The following NAP1L4 variants were observed in gnomAD, a reference collection of about 807,000 sequenced individuals.
NAP1L4 encodes nucleosome assembly protein 1-like 4.
NAP1L4 carries 15 observed loss-of-function variants against 58.2 expected under a neutral mutation model. The ratio of observed to expected loss-of-function variants is 0.26; its 90% confidence interval spans 0.17 to 0.40. NAP1L4 has a LOEUF of 0.40. Ranked by LOEUF, NAP1L4 falls within the 10% of genes least tolerant of loss-of-function variation. The pLI is 1.00. For missense variants in NAP1L4, 384 were observed against 451.1 expected (o/e 0.85, Z 1.35); for synonymous variants, 171 against 155.6 (o/e 1.10, Z -0.74).
chr11:2,949,186 C>A lies in NAP1L4; in HGVS notation c.*32+41G>T, dbSNP rs1846093023. ...ACAATGCATTGTATAAAGTATAGAT[C>A]AGAAGTTTGGAAGTTAGGTATGAAT... On this transcript the variant is annotated intron_variant, in intron 15 of 15. Transcript: ENST00000380542. This position sits in a 1 kb window ranked among gnomAD's most constrained non-coding sequence, Gnocchi z 4.0. The A allele has an allele frequency of 1.3e-6, 2 of 1,489,670 alleles. No individual in the cohort carries two copies. Among genetic ancestry groups the A allele is most frequent in the South Asian group, 1.1e-5 (1 of 87,724 alleles). The allele number at this position is 1,489,670 out of a possible 1,614,324, so 92.3% of individuals were successfully genotyped here.
chr11:2,978,353 A>T lies in NAP1L4; in HGVS notation c.15-11T>A, dbSNP rs767864549. 4 of 1,613,166 alleles carry T rather than the reference A, an allele frequency of 2.5e-6. No individual in the cohort carries two copies. In the East Asian group the frequency reaches 8.9e-5, roughly 36 times the overall value. ...ACCCCATCTGAAAAACTAAAACAAC[A>T]GTATGTTTAAAAAGTATTACTGTAA... On this transcript the variant is annotated splice_polypyrimidine_tract_variant and intron_variant, in intron 2 of 15. Transcript: ENST00000380542.
intron 4 of NAP1L4, 71 bp from the exon 5 acceptor site, chr11:2,972,314 T>C (rs1232436661): frequency 7.2e-7 from 1 of 1,392,406 alleles, no homozygotes; most frequent in East Asian, 2.5e-5. Flanking sequence ...TCAATTTTAT[T>C]AAAATAAATT....
chr11:2,986,626 A>ATTTTTT (rs66494210), intron 1 of NAP1L4, among the ~76,000 whole-genome samples: 12 of 139,740 alleles, frequency 8.6e-5, no homozygotes, highest in Non-Finnish European at 1.5e-4. Flanking sequence ...ATGGTAGTAA[A>ATTTTTT]TTTTTTTTTT....
intron 4 of NAP1L4, among the ~76,000 whole-genome samples, chr11:2,974,028 A>C (rs909108057): frequency 6.6e-6 from 1 of 152,228 alleles, no homozygotes; most frequent in Non-Finnish European, 1.5e-5. Flanking sequence ...TCGGCCTCCC[A>C]AAGTGCTAGG....
chr11:2,985,236 A>G (rs1483342911), intron 1 of NAP1L4, among the ~76,000 whole-genome samples: 1 of 152,230 alleles, frequency 6.6e-6, no homozygotes, highest in African/African-American at 2.4e-5. Flanking sequence ...GGAGTGCTCA[A>G]CCTGAATAAG....
intron 6 of NAP1L4, 151 bp from the exon 7 acceptor site, chr11:2,970,085 G>T: frequency 1.4e-6 from 1 of 693,118 alleles, no homozygotes; most frequent in Non-Finnish European, 2.3e-6. Flanking sequence ...ACTGGGCCAC[G>T]CGACACTTTT....
chr11:2,972,402 A>G, intron 4 of NAP1L4, 159 bp from the exon 5 acceptor site: 1 of 475,254 alleles, frequency 2.1e-6, no homozygotes. Flanking sequence ...CCCCAACAGG[A>G]AAAAAAGGAT....
In NAP1L4 at chr11:2,949,168, A is replaced by G; in HGVS notation, c.*32+59T>C. On this transcript the variant is annotated intron_variant, in intron 15 of 15. Transcript: ENST00000380542. The surrounding 1 kb of genome is among the most constrained non-coding windows in gnomAD (Gnocchi z 4.0). ...TCTTTATTCAAAGTCAAAACAATGC[A>G]TTGTATAAAGTATAGATCAGAAGTT... The G allele has an allele frequency of 7.5e-7, 1 of 1,328,424 alleles. No homozygotes were observed. Among genetic ancestry groups the G allele is most frequent in the Non-Finnish European group, 1.1e-6 (1 of 930,998 alleles). 82.3% of individuals were successfully genotyped at this position (1,328,424 alleles called of 1,614,324 possible).
chr11:2,986,964 C>T (rs2134025365), intron 1 of NAP1L4, among the ~76,000 whole-genome samples: 1 of 152,226 alleles, frequency 6.6e-6, no homozygotes, highest in South Asian at 2.1e-4. Context: ...GGCCCACATT[C>T]AGTCTGAGGA....
chr11:2,959,983 A>C lies in NAP1L4; in HGVS notation c.607-74T>G. The C allele has an allele frequency of 9.6e-6, 14 of 1,461,982 alleles. No individual in the cohort carries two copies. Among genetic ancestry groups the C allele is most frequent in the African/African-American group, 7.1e-5 (5 of 70,628 alleles). The allele number at this position is 1,461,982 out of a possible 1,614,324, so 90.6% of individuals were successfully genotyped here. On this transcript the variant is annotated intron_variant, in intron 8 of 15. Coordinates refer to ENST00000380542, the MANE Select transcript of NAP1L4 (RefSeq NM_005969.4). The surrounding 1 kb of genome is among the most constrained non-coding windows in gnomAD (Gnocchi z 4.9). ...GAGGACAGATTGCTTGGAGTACACA[A>C]CACTTACTAGAAGCTATTTTGGGAA...
intron 4 of NAP1L4, among the ~76,000 whole-genome samples, chr11:2,974,446 G>A (rs185646189): frequency 4.6e-5 from 7 of 152,172 alleles, no homozygotes; most frequent in African/African-American, 1.2e-4. Flanking sequence ...TTTCTAAAGC[G>A]AGAAAACTAG....
intron 7 of NAP1L4, among the ~76,000 whole-genome samples, chr11:2,967,608 T>TA (rs36005224): frequency 0.063 from 7,500 of 118,250 alleles, 564 homozygotes; most frequent in African/African-American, 0.19. Context: ...GAGACTCCGT[T>TA]AAAAAAAAAA....
At position 2,959,740 on chromosome 11, in the gene NAP1L4, G is replaced by GA; in HGVS notation, c.746+29dup. ...AAAATTATCTTTTGATTTTGTTTCAGAAAAACAAGGTAGAATGACATTTTC... is the reference window on the plus strand; with the variant it reads ...AAAATTATCTTTTGATTTTGTTTCAGAAAAAACAAGGTAGAATGACATTTTC... On this transcript the variant is annotated intron_variant, in intron 9 of 15. Coordinates refer to ENST00000380542, the MANE Select transcript of NAP1L4 (RefSeq NM_005969.4). This position sits in a 1 kb window ranked among gnomAD's most constrained non-coding sequence, Gnocchi z 4.9. 6 of 1,606,316 alleles carry GA rather than the reference G, an allele frequency of 3.7e-6. No homozygotes were observed. The highest frequency in any genetic ancestry group is 5.1e-6 in the Non-Finnish European group (6 of 1,176,842).
chr11:2,968,873 A>C lies in NAP1L4; in HGVS notation c.534+930T>G, dbSNP rs181027765. Among the ~76,000 whole-genome samples, 7 of 152,260 alleles carry C rather than the reference A, an allele frequency of 4.6e-5. No homozygotes were observed. The East Asian group carries it at 1.2e-3, about 25-fold the overall frequency. ...GTTCTAGAAACTTCTATTATAACTC[A>C]TTTCAGGGAAAACCAAATTTGTTAC... is the stretch of plus-strand genomic sequence containing the variant. On this transcript the variant is annotated intron_variant, in intron 7 of 15. Coordinates refer to ENST00000380542, the MANE Select transcript of NAP1L4 (RefSeq NM_005969.4).
chr11:2,958,125 G>C, intron 10 of NAP1L4: 2 of 621,930 alleles, frequency 3.2e-6, no homozygotes, highest in South Asian at 3.0e-5. Context: ...AAACAGAACT[G>C]CAAGTTTTTG....
rs1352440643 is a variant in NAP1L4 at position 2,948,695 on chromosome 11, T to G, written c.*32+532A>C. On this transcript the variant is annotated intron_variant, in intron 15 of 15. Transcript: ENST00000380542. This position sits in a 1 kb window ranked among gnomAD's most constrained non-coding sequence, Gnocchi z 5.1. Reference sequence around the variant, plus strand: ...TGACACCAAAACAGATGCCAGTTCATGTTTCAGATAAAAAATGCTGGCACA... The same window carrying G: ...TGACACCAAAACAGATGCCAGTTCAGGTTTCAGATAAAAAATGCTGGCACA... Among the ~76,000 whole-genome samples the G allele has an allele frequency of 6.6e-6, 1 of 152,250 alleles. No individual in the cohort carries two copies. The highest frequency in any genetic ancestry group is 1.5e-5 in the Non-Finnish European group (1 of 68,038).
intron 8 of NAP1L4, among the ~76,000 whole-genome samples, chr11:2,960,662 T>C (rs1846837879): frequency 6.6e-6 from 1 of 152,220 alleles, no homozygotes; most frequent in African/African-American, 2.4e-5. Context: ...ACTCATGTAC[T>C]GTCGACAGAT....
chr11:2,965,312 G>T (rs746339637), intron 7 of NAP1L4, among the ~76,000 whole-genome samples: 2 of 152,202 alleles, frequency 1.3e-5, no homozygotes, highest in East Asian at 3.8e-4. Context: ...CACAAACCTC[G>T]ATAGTGCAGC....
intron 8 of NAP1L4, chr11:2,963,882 C>G (rs778352761): frequency 7.7e-6 from 4 of 519,150 alleles, no homozygotes; most frequent in Non-Finnish European, 1.5e-5. Flanking sequence ...TAACGGGTTA[C>G]GAACAGTGCT....
Sources: gnomAD v4.1 joint callset for allele counts (sites outside exome capture counted in the v4.1 genomes callset) on GRCh38, gnomAD v4.1.1 for gene constraint, Gnocchi (gnomAD v3.1) non-coding constraint, MANE v1.5 for transcripts, NCBI Gene and HGNC (gene_info 2026-07-23, HGNC 2026-07-21) for gene names.